UBE2E2: variants seen among roughly 807,000 people sequenced by gnomAD.
UBE2E2 encodes ubiquitin conjugating enzyme E2 E2, also known as ubiquitin-conjugating enzyme E2 E2.
A neutral mutation model predicts 24.7 loss-of-function variants in UBE2E2; 6 were observed. The ratio of observed to expected loss-of-function variants is 0.24; its 90% CI spans 0.13 to 0.48. The LOEUF is 0.48. Ranked by LOEUF, UBE2E2 falls within the 20% of genes least tolerant of loss-of-function variation. UBE2E2 has a pLI of 0.99. For missense variants in UBE2E2, 169 were observed against 245.0 expected, an observed-to-expected ratio of 0.69 and a Z score of 2.07; for synonymous variants, 104 against 83.6, an observed-to-expected ratio of 1.24 and a Z score of -1.33.
At chr3:23,271,869 G>A (rs1372887741) in intron 3 of UBE2E2, among the ~76,000 whole-genome samples, 2 of 152,174 alleles carry the variant, frequency 1.3e-5, no homozygotes, top group African/African-American at 2.4e-5. Context: ...CACGAACCCT[G>A]AGCTAGACAC....
Position 23,528,467 on chromosome 3 carries a change from AC to A in UBE2E2, c.361-4083del, listed in dbSNP as rs573982725. ...TGCTGAAAGAGAGTGAGCCAGCAGC[AC>A]CCCGAGAGTGGTGGGTTTTTATGAT... On this transcript the variant is annotated intron_variant, in intron 4 of 5. Coordinates refer to ENST00000396703, the MANE Select transcript of UBE2E2 (RefSeq NM_152653.4). Among the ~76,000 whole-genome samples the A allele has an allele frequency of 5.3e-3, 805 of 152,204 alleles. 9 individuals are homozygous for A. Among genetic ancestry groups the A allele is most frequent in the African/African-American group, 0.018 (749 of 41,534 alleles).
intron 3 of UBE2E2, among the ~76,000 whole-genome samples, chr3:23,307,218 G>A (rs1406825369): frequency 1.3e-5 from 2 of 151,996 alleles, no homozygotes; most frequent in African/African-American, 4.8e-5. Context: ...CAGTTTCATA[G>A]CTGTCAATGT....
At chr3:23,492,059 G>A (rs116136210) in intron 3 of UBE2E2, among the ~76,000 whole-genome samples, 392 of 152,268 alleles carry the variant, frequency 2.6e-3, no homozygotes, top group African/African-American at 8.9e-3. Context: ...CCAGAATGAA[G>A]GTGAAGAGAC....
chr3:23,335,241 G>A (rs1389375423), intron 3 of UBE2E2, among the ~76,000 whole-genome samples: 1 of 151,808 alleles, frequency 6.6e-6, no homozygotes, highest in African/African-American at 2.4e-5. Flanking sequence ...TTCTGATGGG[G>A]GTAAAAATTA....
intron 3 of UBE2E2, among the ~76,000 whole-genome samples, chr3:23,291,996 C>A (rs1445796344): frequency 6.6e-6 from 1 of 151,568 alleles, no homozygotes; most frequent in Non-Finnish European, 1.5e-5. Flanking sequence ...GTAGCTGGGA[C>A]TACAGGCGCC....
chr3:23,250,313 T>G (rs1697538515), intron 3 of UBE2E2, among the ~76,000 whole-genome samples: 1 of 152,240 alleles, frequency 6.6e-6, no homozygotes. Flanking sequence ...TTGTCTCATC[T>G]GTAAAGGTTC....
At chr3:23,385,932 T>C (rs929328387) in intron 3 of UBE2E2, among the ~76,000 whole-genome samples, 2 of 152,198 alleles carry the variant, frequency 1.3e-5, no homozygotes, top group Admixed American at 1.3e-4. Flanking sequence ...ATTATTATGA[T>C]TGTGAGAACT....
chr3:23,493,699 A>C (rs1575665396), intron 3 of UBE2E2, among the ~76,000 whole-genome samples: 1 of 152,198 alleles, frequency 6.6e-6, no homozygotes, highest in Non-Finnish European at 1.5e-5. Flanking sequence ...GCAGCAGTGG[A>C]TATACATGAT....
intron 3 of UBE2E2, among the ~76,000 whole-genome samples, chr3:23,322,138 T>G (rs1243793335): frequency 6.6e-6 from 1 of 152,238 alleles, no homozygotes; most frequent in Non-Finnish European, 1.5e-5. Flanking sequence ...GAAATTATTC[T>G]TGAAATATTT....
intron 3 of UBE2E2, among the ~76,000 whole-genome samples, chr3:23,322,491 C>G (rs766440043): frequency 9.9e-5 from 15 of 152,072 alleles, no homozygotes; most frequent in Non-Finnish European, 2.2e-4. Flanking sequence ...GGAATAATCA[C>G]AAAGTATTTT....
At position 23,551,836 on chromosome 3, in the gene UBE2E2, T is replaced by G. The variant is rs939326626; in HGVS notation, c.508+19135T>G. Among the ~76,000 whole-genome samples, 11 of 152,294 alleles carry G rather than the reference T, an allele frequency of 7.2e-5. 2 individuals carry two copies. Among genetic ancestry groups the G allele is most frequent in the Admixed American group, 1.3e-4 (2 of 15,294 alleles). Reference sequence around the variant, plus strand: ...GTGTGCTACGGACTGAACTGTGTTCTCCCCAAAATTAATATGTTGAAGCCC... The same window carrying G: ...GTGTGCTACGGACTGAACTGTGTTCGCCCCAAAATTAATATGTTGAAGCCC... On this transcript the variant is annotated intron_variant, in intron 5 of 5. Coordinates refer to ENST00000396703, the MANE Select transcript of UBE2E2 (RefSeq NM_152653.4).
intron 3 of UBE2E2, among the ~76,000 whole-genome samples, chr3:23,321,942 A>G (rs1559346965): frequency 6.6e-6 from 1 of 152,048 alleles, no homozygotes; most frequent in Non-Finnish European, 1.5e-5. Context: ...CCGTAAGAGA[A>G]TGATTCACAT....
At chr3:23,359,706 G>C (rs1364552327) in intron 3 of UBE2E2, among the ~76,000 whole-genome samples, 1 of 151,912 alleles carries the variant, frequency 6.6e-6, no homozygotes, top group Non-Finnish European at 1.5e-5. Context: ...GAGCATGGAG[G>C]TGTTTTTATT....
chr3:23,499,488 T>G, intron 3 of UBE2E2, 120 bp from the exon 4 acceptor site: 1 of 1,242,144 alleles, frequency 8.1e-7, no homozygotes, highest in Non-Finnish European at 1.1e-6. Context: ...ACATGAGAGT[T>G]AACTGATTAA....
Position 23,582,418 on chromosome 3 carries a change from G to A in UBE2E2, c.509-7316G>A, listed in dbSNP as rs532209347. On this transcript the variant is annotated intron_variant, in intron 5 of 5. Coordinates refer to ENST00000396703, the MANE Select transcript of UBE2E2 (RefSeq NM_152653.4). The stretch of plus-strand genomic sequence containing the variant: ...AGAAATATTCCTTTGGATATACCCC[G>A]TAATGGGATTGCTGGGTCAAATGGT... Among the ~76,000 whole-genome samples, 38 of 152,246 alleles carry A rather than the reference G, an allele frequency of 2.5e-4. No homozygotes were observed. The East Asian group carries it at 3.9e-3, about 15-fold the overall frequency.
chr3:23,315,983 TTC>T (rs1421797977), intron 3 of UBE2E2, among the ~76,000 whole-genome samples: 1 of 152,124 alleles, frequency 6.6e-6, no homozygotes, highest in African/African-American at 2.4e-5. Context: ...ATGGAGCACA[TTC>T]TCTCTGTGCT....
At chr3:23,531,156 C>G (rs1374119319) in intron 4 of UBE2E2, among the ~76,000 whole-genome samples, 2 of 152,226 alleles carry the variant, frequency 1.3e-5, no homozygotes, top group East Asian at 3.9e-4. Context: ...TAGATTTGCC[C>G]TTTCTGAGAC....
chr3:23,380,746 G>A (rs551234681), intron 3 of UBE2E2, among the ~76,000 whole-genome samples: 2 of 152,240 alleles, frequency 1.3e-5, no homozygotes, highest in Admixed American at 1.3e-4. Context: ...AAGTCCATAT[G>A]CTCCCCCTTG....
intron 3 of UBE2E2, among the ~76,000 whole-genome samples, chr3:23,294,836 A>G (rs1575539219): frequency 6.9e-6 from 1 of 145,584 alleles, no homozygotes; most frequent in East Asian, 2.0e-4. Flanking sequence ...TGCTCTAAAG[A>G]TAGTCTGTTC....
Sources: gnomAD v4.1 joint callset for allele counts (sites outside exome capture counted in the v4.1 genomes callset) on GRCh38, gnomAD v4.1.1 for gene constraint, MANE v1.5 for transcripts, NCBI Gene and HGNC (gene_info 2026-07-23, HGNC 2026-07-21) for gene names.